CCDC6: variants seen among roughly 807,000 people sequenced by gnomAD.
The protein encoded by CCDC6 is coiled-coil domain-containing protein 6.
In CCDC6, 20 loss-of-function variants were observed where a neutral mutation model predicts 56.6. That is an observed-to-expected ratio of 0.35 (90% CI 0.25 to 0.51). The LOEUF (loss-of-function observed/expected upper bound fraction) is 0.51, where lower values mean the gene tolerates loss of function less well. Among genes scored for constraint, CCDC6 ranks in the 20% least tolerant of loss-of-function variants. CCDC6 has a pLI of 0.95. For synonymous variants in CCDC6, 241 were observed against 234.4 expected, an observed-to-expected ratio of 1.03 and a Z score of -0.26; for missense variants, 367 against 601.1, an observed-to-expected ratio of 0.61 and a Z score of 4.07.
intron 1 of CCDC6, among the ~76,000 whole-genome samples, chr10:59,860,935 C>G (rs2132661612): frequency 6.6e-6 from 1 of 152,184 alleles, no homozygotes; most frequent in South Asian, 2.1e-4. Flanking sequence ...TGACTCATGT[C>G]TGTAATCTCA....
At chr10:59,835,070 G>A (rs146019857) in intron 2 of CCDC6, among the ~76,000 whole-genome samples, 1 of 152,228 alleles carries the variant, frequency 6.6e-6, no homozygotes, top group Non-Finnish European at 1.5e-5. Context: ...TAGTTATTGA[G>A]AGATGATAAG....
intron 7 of CCDC6, among the ~76,000 whole-genome samples, chr10:59,800,841 C>T (rs2070569206): frequency 6.6e-6 from 1 of 152,076 alleles, no homozygotes; most frequent in Non-Finnish European, 1.5e-5. Context: ...TATGGTTTTA[C>T]ATCAAGTCTT....
In CCDC6 at chr10:59,790,471, T is replaced by A; in HGVS notation, c.*2446A>T. 1 of 218,846 alleles carries A rather than the reference T, an allele frequency of 4.6e-6. No homozygotes were observed. The allele number at this position is 218,846 out of a possible 1,614,324, so 13.6% of individuals were successfully genotyped here. On this transcript the variant is annotated 3_prime_UTR_variant, in exon 9 of 9. Transcript: ENST00000263102. ...CCATTATGGGCTCAGAATCTAAATCTTACTGATCCCTAGTAGTAAGACAAT... is the reference window on the plus strand; with the variant it reads ...CCATTATGGGCTCAGAATCTAAATCATACTGATCCCTAGTAGTAAGACAAT...
chr10:59,853,773 T>C (rs984823286), intron 1 of CCDC6, among the ~76,000 whole-genome samples: 5 of 152,150 alleles, frequency 3.3e-5, no homozygotes, highest in Non-Finnish European at 5.9e-5. Flanking sequence ...GATTAGTGAA[T>C]TGAATTTTAA....
At chr10:59,886,712 G>A (rs1230107142) in intron 1 of CCDC6, among the ~76,000 whole-genome samples, 1 of 152,116 alleles carries the variant, frequency 6.6e-6, no homozygotes, top group Non-Finnish European at 1.5e-5. Flanking sequence ...TTGACAGGTG[G>A]GAAATTTTTT....
intron 1 of CCDC6, among the ~76,000 whole-genome samples, chr10:59,866,272 T>A (rs575652777): frequency 8.5e-5 from 13 of 152,316 alleles, no homozygotes; most frequent in Admixed American, 3.9e-4. Flanking sequence ...CTTGGAATGA[T>A]CTTGTCTTGG....
At chr10:59,895,691 G>A (rs185366689) in intron 1 of CCDC6, among the ~76,000 whole-genome samples, 11 of 152,282 alleles carry the variant, frequency 7.2e-5, no homozygotes, top group South Asian at 2.1e-4. Flanking sequence ...TTAAAACTCC[G>A]GTTTACCTTG....
At chr10:59,839,183 C>T (rs2070914507) in intron 2 of CCDC6, among the ~76,000 whole-genome samples, 2 of 152,198 alleles carry the variant, frequency 1.3e-5, no homozygotes, top group African/African-American at 4.8e-5. Context: ...CCTGAAATTT[C>T]ACACGTAAAG....
At chr10:59,845,745 A>G (rs1015063671) in intron 2 of CCDC6, among the ~76,000 whole-genome samples, 5 of 152,174 alleles carry the variant, frequency 3.3e-5, no homozygotes, top group African/African-American at 1.2e-4. Context: ...TGTGATAGCA[A>G]ATTTCTCTGA....
chr10:59,803,241 A>C (rs2070592036), intron 7 of CCDC6, among the ~76,000 whole-genome samples: 2 of 152,034 alleles, frequency 1.3e-5, no homozygotes, highest in Admixed American at 1.3e-4. Context: ...CCTGCCTGAC[A>C]CCAGAGAGCA....
At chr10:59,863,317 T>G (rs1468345101) in intron 1 of CCDC6, among the ~76,000 whole-genome samples, 1 of 152,246 alleles carries the variant, frequency 6.6e-6, no homozygotes, top group Non-Finnish European at 1.5e-5. Flanking sequence ...CACTTTTGTT[T>G]GAATAAAATA....
chr10:59,851,131 GAA>G (rs372606692), intron 2 of CCDC6, among the ~76,000 whole-genome samples: 5,934 of 46,690 alleles, frequency 0.13, 102 homozygotes, highest in African/African-American at 0.18. Flanking sequence ...CATGTAAATT[GAA>G]AAAAAAAAAA....
chr10:59,876,073 C>CTTTTCTT (rs2071277260), intron 1 of CCDC6, among the ~76,000 whole-genome samples: 1 of 97,586 alleles, frequency 1.0e-5, no homozygotes, highest in African/African-American at 4.1e-5. Flanking sequence ...GCACAGATGT[C>CTTTTCTT]TTTTTTTTTT....
At chr10:59,846,345 T>G (rs968041180) in intron 2 of CCDC6, among the ~76,000 whole-genome samples, 1 of 152,212 alleles carries the variant, frequency 6.6e-6, no homozygotes, top group South Asian at 2.1e-4. Flanking sequence ...GATAGAAGAA[T>G]AATTCTGTTG....
At chr10:59,846,727 C>T (rs2070995441) in intron 2 of CCDC6, among the ~76,000 whole-genome samples, 1 of 152,150 alleles carries the variant, frequency 6.6e-6, no homozygotes, top group African/African-American at 2.4e-5. Flanking sequence ...ATTTTAAGGT[C>T]TGAAATTTGC....
chr10:59,888,386 C>T (rs1424354971), intron 1 of CCDC6, among the ~76,000 whole-genome samples: 1 of 152,222 alleles, frequency 6.6e-6, no homozygotes, highest in Non-Finnish European at 1.5e-5. Context: ...GAAGTGGTGA[C>T]CTAAACTTTC....
At chr10:59,817,857 C>T (rs569915082) in intron 3 of CCDC6, among the ~76,000 whole-genome samples, 6 of 152,152 alleles carry the variant, frequency 3.9e-5, no homozygotes, top group African/African-American at 1.2e-4. Context: ...TTCTGTCATT[C>T]CCTGCCCAAT....
At chr10:59,830,301 C>A (rs960883933) in intron 3 of CCDC6, among the ~76,000 whole-genome samples, 2 of 152,114 alleles carry the variant, frequency 1.3e-5, no homozygotes, top group Admixed American at 1.3e-4. Flanking sequence ...TATACTACAT[C>A]GTATCATACA....
chr10:59,843,868 G>A (rs774613144), intron 2 of CCDC6, among the ~76,000 whole-genome samples: 54 of 152,172 alleles, frequency 3.5e-4, no homozygotes, highest in Non-Finnish European at 1.9e-4. Flanking sequence ...AGGTAGGGTT[G>A]ACTGATCACT....
Sources: gnomAD v4.1 joint callset for allele counts (sites outside exome capture counted in the v4.1 genomes callset) on GRCh38, gnomAD v4.1.1 for gene constraint, MANE v1.5 for transcripts, NCBI Gene and HGNC (gene_info 2026-07-23, HGNC 2026-07-21) for gene names.